MIGA2: variants seen among roughly 807,000 people sequenced by gnomAD.
MIGA2 encodes the protein family with sequence similarity 73, member B.
In MIGA2, 36 loss-of-function variants were observed where a neutral mutation model predicts 69.9. The observed-to-expected ratio is 0.52, with a 90% CI of 0.39 to 0.68. The LOEUF (loss-of-function observed/expected upper bound fraction) is 0.68, where lower values mean the gene tolerates loss of function less well. MIGA2 is among the 30% of genes least tolerant of loss of function. MIGA2 has a pLI of 0.00. For missense variants in MIGA2, 660 were observed against 787.7 expected, an observed-to-expected ratio of 0.84 and a Z score of 1.94; for synonymous variants, 333 against 349.2, an observed-to-expected ratio of 0.95 and a Z score of 0.52.
intron 1 of MIGA2, among the ~76,000 whole-genome samples, chr9:129,038,433 G>T (rs894096326): frequency 6.6e-6 from 1 of 152,130 alleles, no homozygotes; most frequent in Non-Finnish European, 1.5e-5. Flanking sequence ...AGCTGGAAGT[G>T]GGGGAGGACC....
At chr9:129,052,634 T>G (rs1355298243) in intron 6 of MIGA2, among the ~76,000 whole-genome samples, 1 of 152,108 alleles carries the variant, frequency 6.6e-6, no homozygotes, top group East Asian at 1.9e-4. Context: ...TTTCTCTGCC[T>G]ATTCCTCCCT....
rs41275942 is a variant in MIGA2, at chr9:129,071,509, G to C, written c.*1056G>C. On this transcript the variant is annotated 3_prime_UTR_variant, in exon 16 of 16. Transcript: ENST00000684074. ...GAGCGAGTGTCTGTGGCCCCAACGC[G>C]TTCTGCTGTGGCTCTGCCCTTTCCA... The C allele has an allele frequency of 6.6e-6, 1 of 152,216 alleles. No homozygotes were observed. Among genetic ancestry groups the C allele is most frequent in the Non-Finnish European group, 1.5e-5 (1 of 68,056 alleles). 9.4% of individuals were successfully genotyped at this position (152,216 alleles called of 1,614,324 possible). A position where few individuals can be genotyped will look rare whatever the true frequency, so the allele number is the denominator to read the frequency against.
intron 6 of MIGA2, among the ~76,000 whole-genome samples, chr9:129,053,677 A>AT (rs1288162270): frequency 6.6e-6 from 1 of 152,068 alleles, no homozygotes; most frequent in Non-Finnish European, 1.5e-5. Context: ...TATTGCTATA[A>AT]TTTTTAAACA....
intron 1 of MIGA2, among the ~76,000 whole-genome samples, chr9:129,039,373 G>A (rs1397335375): frequency 1.3e-5 from 2 of 151,602 alleles, no homozygotes; most frequent in South Asian, 2.1e-4. Context: ...AGCCTTCCGC[G>A]TAGCTGTGAT....
rs141810232 is a variant in MIGA2 at position 129,068,379 on chromosome 9, C to T, written c.1404+47C>T. 3,100 of 1,595,936 alleles carry T rather than the reference C, an allele frequency of 1.9e-3. 17 individuals carry two copies. Among genetic ancestry groups the T allele is most frequent in the African/African-American group, 0.015 (1,090 of 74,978 alleles). ...AGACCCACACTTGCTCACATCAGCC[C>T]GTGTGGTTGCCTGGCTCCGTCCCCT... On this transcript the variant is annotated intron_variant, in intron 13 of 15. Transcript: ENST00000684074. This position sits in a 1 kb window ranked among gnomAD's most constrained non-coding sequence, Gnocchi z 4.1.
chr9:129,047,904 T>C (rs1459578989), intron 3 of MIGA2, among the ~76,000 whole-genome samples: 1 of 151,950 alleles, frequency 6.6e-6, no homozygotes, highest in East Asian at 1.9e-4. Flanking sequence ...AATTTTTGTA[T>C]TTTTTGTTGA....
intron 3 of MIGA2, among the ~76,000 whole-genome samples, chr9:129,043,275 T>C (rs1208347905): frequency 6.6e-6 from 1 of 151,590 alleles, no homozygotes; most frequent in African/African-American, 2.4e-5. Flanking sequence ...CTTTGACACA[T>C]AGAGTCATCC....
At position 129,049,948 on chromosome 9, in the gene MIGA2, A is replaced by G; in HGVS notation, c.660A>G (p.Ser220=). 6.2e-7 allele frequency: 1 copy of G among 1,613,240 alleles called. No individual in the cohort carries two copies. The highest frequency in any genetic ancestry group is 8.5e-7 in the Non-Finnish European group (1 of 1,179,788). Residue 220 remains serine (S), a synonymous_variant, in exon 6 of 16, where the codon TCA becomes TCG. Coordinates refer to ENST00000684074, the MANE Select transcript of MIGA2 (RefSeq NM_001329990.2). ...RDGLRNPETA[S]EPLSEPESQR... ...GCCTCCGGAACCCAGAGACTGCATCAGAGCCACTGTCTGAGGTAGGTGGTC... is the reference window on the plus strand; with the variant it reads ...GCCTCCGGAACCCAGAGACTGCATCGGAGCCACTGTCTGAGGTAGGTGGTC...
intron 11 of MIGA2, among the ~76,000 whole-genome samples, chr9:129,064,977 T>C (rs1025434785): frequency 3.3e-5 from 5 of 152,006 alleles, no homozygotes; most frequent in Non-Finnish European, 7.4e-5. Flanking sequence ...GAGACAGGGT[T>C]TTGCTATGTT....
chr9:129,047,849 C>G (rs1845312732), intron 3 of MIGA2, among the ~76,000 whole-genome samples: 1 of 152,098 alleles, frequency 6.6e-6, no homozygotes, highest in South Asian at 2.1e-4. Flanking sequence ...CCACCCTCAG[C>G]CTCCCAAGTA....
chr9:129,070,077 G>C, intron 15 of MIGA2, 112 bp downstream of exon 15: 1 of 1,245,288 alleles, frequency 8.0e-7, no homozygotes, highest in Non-Finnish European at 1.1e-6. Context: ...CCCAGAGAGA[G>C]GGCAGAGCCA....
At position 129,070,690 on chromosome 9, in the gene MIGA2, G is replaced by T. The variant is rs1846634095; in HGVS notation, c.*237G>T. On this transcript the variant is annotated 3_prime_UTR_variant, in exon 16 of 16. Coordinates refer to ENST00000684074, the MANE Select transcript of MIGA2 (RefSeq NM_001329990.2). ...AAAGGCTGTGAGAGAGGGGGTTGTT[G>T]TGGAGAATTGGGACAGGCAGAGCCA... 1.3e-5 allele frequency: 7 copies of T among 546,466 alleles called. No homozygotes were observed. The highest frequency in any genetic ancestry group is 3.2e-5 in the Admixed American group (1 of 31,528). 33.9% of individuals were successfully genotyped at this position (546,466 alleles called of 1,614,324 possible).
chr9:129,041,010 G>A (rs1009366331), intron 2 of MIGA2, among the ~76,000 whole-genome samples: 13 of 152,116 alleles, frequency 8.5e-5, no homozygotes, highest in African/African-American at 2.9e-4. Flanking sequence ...GGCCAACATG[G>A]TGAAACCCTG....
chr9:129,046,243 C>A (rs1307500991), intron 3 of MIGA2, among the ~76,000 whole-genome samples: 1 of 152,150 alleles, frequency 6.6e-6, no homozygotes, highest in Non-Finnish European at 1.5e-5. Context: ...CCTGGGAAAC[C>A]TGGAGTCATC....
rs1045753536 is a variant in MIGA2 at position 129,068,772 on chromosome 9, A to G, written c.1405-304A>G. On this transcript the variant is annotated intron_variant, in intron 13 of 15. Transcript: ENST00000684074. This position sits in a 1 kb window ranked among gnomAD's most constrained non-coding sequence, Gnocchi z 4.1. ...CCCAGGCTTCTGCGAGGTGGTTTAC[A>G]GGCGGGAACCATTGCTCCCACAACC... The G allele has an allele frequency of 3.7e-5, 17 of 462,484 alleles. No homozygotes were observed. The highest frequency in any genetic ancestry group is 6.7e-5 in the Non-Finnish European group (17 of 254,124). The allele number at this position is 462,484 out of a possible 1,614,324, so 28.6% of individuals were successfully genotyped here.
In MIGA2 at chr9:129,068,936, G is replaced by A; in HGVS notation, c.1405-140G>A. 1.1e-6 allele frequency: 1 copy of A among 886,522 alleles called. No individual in the cohort carries two copies. Among genetic ancestry groups the A allele is most frequent in the Non-Finnish European group, 1.9e-6 (1 of 539,848 alleles). 54.9% of individuals were successfully genotyped at this position (886,522 alleles called of 1,614,324 possible). Reference sequence around the variant, plus strand: ...TCCAAAATCAGAGGAGGAAGCAGCAGAGCTTAGGCACCTGGCCCCATCTTC... The same window carrying A: ...TCCAAAATCAGAGGAGGAAGCAGCAAAGCTTAGGCACCTGGCCCCATCTTC... On this transcript the variant is annotated intron_variant, in intron 13 of 15. Coordinates refer to ENST00000684074, the MANE Select transcript of MIGA2 (RefSeq NM_001329990.2). This position sits in a 1 kb window ranked among gnomAD's most constrained non-coding sequence, Gnocchi z 4.1.
rs1447406646 is a variant in MIGA2 at position 129,042,225 on chromosome 9, T to C, written c.97-79T>C. On this transcript the variant is annotated intron_variant, in intron 2 of 15. Coordinates refer to ENST00000684074, the MANE Select transcript of MIGA2 (RefSeq NM_001329990.2). ...GGAGAGCCGGTGTGTGTCCCGTCCCTGAGGTGCTCTGGGGCGGTCCTGCTG... is the reference window on the plus strand; with the variant it reads ...GGAGAGCCGGTGTGTGTCCCGTCCCCGAGGTGCTCTGGGGCGGTCCTGCTG... 3.5e-6 allele frequency: 5 copies of C among 1,416,808 alleles called. No homozygotes were observed. In the East Asian group the frequency reaches 9.4e-5, roughly 27 times the overall value. 87.8% of individuals were successfully genotyped at this position (1,416,808 alleles called of 1,614,324 possible).
intron 6 of MIGA2, among the ~76,000 whole-genome samples, chr9:129,055,048 C>T (rs1296714170): frequency 2.0e-5 from 3 of 150,154 alleles, no homozygotes; most frequent in South Asian, 2.1e-4. Flanking sequence ...CACGTCACCA[C>T]GCCTGGCTAA....
chr9:129,042,667 C>A (rs1244360667), intron 3 of MIGA2, among the ~76,000 whole-genome samples, 153 bp downstream of exon 3: 1 of 152,164 alleles, frequency 6.6e-6, no homozygotes, highest in Non-Finnish European at 1.5e-5. Context: ...ACAGTAGCGT[C>A]CCTCCCTCCA....
Sources: allele counts gnomAD v4.1 joint callset (sites outside exome capture counted in the v4.1 genomes callset), GRCh38; gene constraint gnomAD v4.1.1; non-coding constraint Gnocchi (gnomAD v3.1); transcripts MANE v1.5; gene names NCBI Gene and HGNC (gene_info 2026-07-23, HGNC 2026-07-21).